The following ZBBX variants were observed in gnomAD, a reference collection of about 807,000 sequenced individuals.
ZBBX encodes the protein zinc finger B-box domain containing, also known as zinc finger B-box domain-containing protein 1.
In ZBBX, 101 loss-of-function variants were observed where a neutral mutation model predicts 108.5. The observed-to-expected ratio is 0.93, with a 90% confidence interval of 0.79 to 1.10. The LOEUF is 1.10. ZBBX is among the 50% of genes least tolerant of loss of function. The pLI, the probability that ZBBX is intolerant of heterozygous loss-of-function variation, is 0.00. For synonymous variants in ZBBX, 356 were observed against 323.4 expected, an observed-to-expected ratio of 1.10 and a Z score of -1.08; for missense variants, 1,009 against 941.4, an observed-to-expected ratio of 1.07 and a Z score of -0.94.
chr3:167,368,422 T>A (rs1454415928), intron 5 of ZBBX, 39 bp downstream of exon 5: 2 of 1,368,624 alleles, frequency 1.5e-6, no homozygotes, highest in Admixed American at 1.7e-5. Context: ...TTATATAATT[T>A]AGTTGATTCA....
the ZBBX span, among the ~76,000 whole-genome samples, chr3:167,218,188 T>G: frequency 1.3e-5 from 2 of 152,146 alleles, no homozygotes; most frequent in Non-Finnish European, 2.9e-5. Flanking sequence ...TGTAATAATA[T>G]GTACAACAAA....
downstream of ZBBX, among the ~76,000 whole-genome samples, chr3:167,239,739 C>T (rs983121277): frequency 1.3e-5 from 2 of 151,952 alleles, no homozygotes; most frequent in African/African-American, 4.8e-5. Context: ...AGGGATGGTG[C>T]CCCAAGTCCC....
intron 6 of ZBBX, among the ~76,000 whole-genome samples, chr3:167,365,451 G>A (rs1280476050): frequency 6.6e-6 from 1 of 151,500 alleles, no homozygotes; most frequent in Non-Finnish European, 1.5e-5. Flanking sequence ...TTTACACATG[G>A]AATCAACAGT....
downstream of ZBBX, among the ~76,000 whole-genome samples, chr3:167,235,671 A>G (rs1257109328): frequency 6.6e-6 from 1 of 151,632 alleles, no homozygotes; most frequent in African/African-American, 2.4e-5. Context: ...CAATCAATTA[A>G]TTCTTTTCAT....
intron 9 of ZBBX, among the ~76,000 whole-genome samples, chr3:167,348,132 T>C (rs1452885829): frequency 6.7e-6 from 1 of 149,616 alleles, no homozygotes; most frequent in African/African-American, 2.5e-5. Context: ...ATGCTGGCAG[T>C]ATCTTAAGTG....
At chr3:167,386,668 T>C (rs1446998364) in intron 1 of ZBBX, among the ~76,000 whole-genome samples, 1 of 152,080 alleles carries the variant, frequency 6.6e-6, no homozygotes, top group African/African-American at 2.4e-5. Flanking sequence ...TTATTTATAA[T>C]TGATATAGCT....
intron 20 of ZBBX, chr3:167,248,671 G>A (rs1458993500): frequency 2.2e-6 from 1 of 456,658 alleles, no homozygotes; most frequent in Non-Finnish European, 4.4e-6. Context: ...AACAAGGTTT[G>A]AAGGATTCAA....
intron 20 of ZBBX, among the ~76,000 whole-genome samples, chr3:167,279,008 T>G (rs577554962): frequency 3.4e-4 from 52 of 152,272 alleles, no homozygotes; most frequent in Non-Finnish European, 5.7e-4. Context: ...ACCACATGAT[T>G]ATCTCAATAG....
Position 167,301,921 on chromosome 3 carries a change from C to T in ZBBX, c.1726-3463G>A, listed in dbSNP as rs111545269. On this transcript the variant is annotated intron_variant, in intron 17 of 21. Transcript: ENST00000675490. ...GCTGTGAGCCACGATGGCACCACTG[C>T]ACCCCAGCCTGGGCAACAGAGCAAG... Among the ~76,000 whole-genome samples, 299 of 141,472 alleles carry T rather than the reference C, an allele frequency of 2.1e-3. 1 individual carries two copies. The highest frequency in any genetic ancestry group is 5.4e-3 in the South Asian group (24 of 4,478). The allele number at this position is 141,472 out of a possible 152,430, so 92.8% of individuals were successfully genotyped here.
chr3:167,275,385 G>T (rs1405742119), intron 20 of ZBBX, among the ~76,000 whole-genome samples: 1 of 152,046 alleles, frequency 6.6e-6, no homozygotes, highest in African/African-American at 2.4e-5. Context: ...ATCTCACTAG[G>T]GAGTGCCAGA....
At chr3:167,354,642 T>G (rs1387021167) in intron 8 of ZBBX, among the ~76,000 whole-genome samples, 3 of 152,072 alleles carry the variant, frequency 2.0e-5, no homozygotes, top group South Asian at 4.1e-4. Flanking sequence ...TAATTTTATA[T>G]AAATACATGG....
intron 9 of ZBBX, among the ~76,000 whole-genome samples, chr3:167,347,698 G>T (rs988470840): frequency 1.3e-5 from 2 of 151,952 alleles, no homozygotes; most frequent in African/African-American, 4.8e-5. Flanking sequence ...TATAGGTTTA[G>T]CTCCCAGCAC....
chr3:167,290,440 C>G (rs73043905), intron 18 of ZBBX, among the ~76,000 whole-genome samples: 2,649 of 152,238 alleles, frequency 0.017, 77 homozygotes, highest in African/African-American at 0.061. Flanking sequence ...CCAGCAAACA[C>G]CAGCAGACAT....
downstream of ZBBX, among the ~76,000 whole-genome samples, chr3:167,237,316 A>G (rs549496247): frequency 2.0e-5 from 3 of 152,070 alleles, no homozygotes; most frequent in African/African-American, 7.2e-5. Context: ...CAGCATGTGC[A>G]TGTCCAGAGG....
chr3:167,370,702 G>A (rs916986585), intron 4 of ZBBX, among the ~76,000 whole-genome samples: 6 of 152,150 alleles, frequency 3.9e-5, no homozygotes, highest in Non-Finnish European at 7.4e-5. Flanking sequence ...TGTTATACAC[G>A]GAGCCATAAA....
the ZBBX span, among the ~76,000 whole-genome samples, chr3:167,190,668 C>A: frequency 6.7e-3 from 1,017 of 152,286 alleles, 11 homozygotes; most frequent in African/African-American, 0.023. Context: ...GCGTGAGCCA[C>A]CGCGTCCGGC....
intron 12 of ZBBX, among the ~76,000 whole-genome samples, chr3:167,319,543 A>G (rs1296726390): frequency 6.6e-6 from 1 of 151,974 alleles, no homozygotes; most frequent in South Asian, 2.1e-4. Context: ...AACCCAATGA[A>G]AGTCATACCA....
chr3:167,221,799 A>G, the ZBBX span, among the ~76,000 whole-genome samples: 1 of 152,028 alleles, frequency 6.6e-6, no homozygotes, highest in Non-Finnish European at 1.5e-5. Context: ...TATGGCAAAA[A>G]GTTATGTAAA....
At chr3:167,246,717 T>C (rs578071490) in intron 20 of ZBBX, among the ~76,000 whole-genome samples, 3 of 152,344 alleles carry the variant, frequency 2.0e-5, no homozygotes, top group South Asian at 4.1e-4. Flanking sequence ...TCACAATGTG[T>C]ATTTCCTAAA....
Sources: allele counts gnomAD v4.1 joint callset (sites outside exome capture counted in the v4.1 genomes callset), GRCh38; gene constraint gnomAD v4.1.1; transcripts MANE v1.5; gene names NCBI Gene and HGNC (gene_info 2026-07-23, HGNC 2026-07-21).